CCDC30: variants seen among roughly 807,000 people sequenced by gnomAD.
The protein encoded by CCDC30 is coiled-coil domain-containing protein 30.
In CCDC30, 70 loss-of-function variants were observed where a neutral mutation model predicts 100.2. That is an observed-to-expected ratio of 0.70 (90% CI 0.58 to 0.85). The LOEUF is 0.85. Ranked by LOEUF, CCDC30 falls within the 40% of genes least tolerant of loss-of-function variation. The probability of loss-of-function intolerance (pLI) is 0.00; values close to 1 mark genes in which losing one functional copy is unlikely to be tolerated. For missense variants in CCDC30, 652 were observed against 771.2 expected (o/e 0.85, Z 1.83); for synonymous variants, 233 against 269.5 (o/e 0.86, Z 1.33).
intron 10 of CCDC30, chr1:42,593,841 A>C (rs1646234239): frequency 6.6e-6 from 1 of 152,174 alleles, no homozygotes; most frequent in Non-Finnish European, 1.5e-5. Flanking sequence ...ATTGTGTGCA[A>C]GTTCCTCTCA....
In CCDC30 at chr1:42,581,457, A is replaced by G. The variant is rs775810460; in HGVS notation, c.944A>G (p.Glu315Gly). The change falls in exon 9 of 17, where the codon GAA (glutamate) becomes GGA (glycine). Residue 315 changes from glutamate (E) to glycine (G), a missense_variant. Coordinates refer to ENST00000668663, the Ensembl canonical transcript of CCDC30. Reference sequence around the variant, plus strand: ...CAGCAGCTAGAGGAAAAGATAAAAGAAGCAACACAAAATGAAGCTAAAGTA... The same window carrying G: ...CAGCAGCTAGAGGAAAAGATAAAAGGAGCAACACAAAATGAAGCTAAAGTA... The G allele has an allele frequency of 3.1e-6, 5 of 1,613,822 alleles. No individual in the cohort carries two copies. The highest frequency in any genetic ancestry group is 2.2e-5 in the East Asian group (1 of 44,876).
chr1:42,551,938 A>T (rs1645260855), intron 6 of CCDC30, among the ~76,000 whole-genome samples: 1 of 151,682 alleles, frequency 6.6e-6, no homozygotes, highest in Admixed American at 6.6e-5. Flanking sequence ...AATTTTTAAA[A>T]TTTTTTTGTA....
chr1:42,655,874 T>TC (rs1648642478), downstream of CCDC30, among the ~76,000 whole-genome samples: 1 of 145,002 alleles, frequency 6.9e-6, no homozygotes, highest in African/African-American at 2.6e-5. Flanking sequence ...TTACTTTTTT[T>TC]TTTTTTTTTT....
chr1:42,501,682 C>G (rs977240694), intron 6 of CCDC30, among the ~76,000 whole-genome samples: 41 of 152,040 alleles, frequency 2.7e-4, no homozygotes, highest in African/African-American at 9.9e-4. Context: ...CAGTCAGGAC[C>G]CTCAGCTGCA....
At chr1:42,457,722 G>T in the CCDC30 span, among the ~76,000 whole-genome samples, 1 of 152,150 alleles carries the variant, frequency 6.6e-6, no homozygotes, top group African/African-American at 2.4e-5. Context: ...GGAGGCCAAG[G>T]AGGGCAGATC....
chr1:42,567,906 T>C (rs181946630), intron 7 of CCDC30, among the ~76,000 whole-genome samples: 37 of 152,314 alleles, frequency 2.4e-4, no homozygotes, highest in African/African-American at 8.9e-4. Flanking sequence ...AGAAGATTTT[T>C]ATTTTTCACT....
chr1:42,589,476 A>T lies in CCDC30; in HGVS notation c.1157A>T (p.Tyr386Phe). The stretch of plus-strand genomic sequence containing the variant: ...CAACTGGAAAATGAAAAAAGAAAAT[A>T]TGATGAGGTAAGAAAGTAAATAGAC... The change falls in exon 10 of 17, where the codon TAT (tyrosine) becomes TTT (phenylalanine). Residue 386 changes from tyrosine to phenylalanine, a missense_variant. By Grantham distance (22) the Tyr-to-Phe change is conservative. Transcript: ENST00000668663. 1.2e-6 allele frequency: 2 copies of T among 1,612,702 alleles called. 1 individual carries two copies. Among genetic ancestry groups the T allele is most frequent in the Non-Finnish European group, 1.7e-6 (2 of 1,179,092 alleles).
chr1:42,575,735 TA>T lies in CCDC30; in HGVS notation c.637-1282del, dbSNP rs900731514. Among the ~76,000 whole-genome samples the T allele has an allele frequency of 7.9e-5, 12 of 151,884 alleles. 1 individual carries two copies. The highest frequency in any genetic ancestry group is 2.9e-4 in the African/African-American group (12 of 41,436). On this transcript the variant is annotated intron_variant, in intron 7 of 16. Transcript: ENST00000668663. Reference sequence around the variant, plus strand: ...GGGAAAGGGGATATAAACAGGTATATAAATGCATACTTAATTATAAATCATG... The same window carrying T: ...GGGAAAGGGGATATAAACAGGTATATAATGCATACTTAATTATAAATCATG...
intron 9 of CCDC30, 29 bp downstream of exon 13, chr1:42,581,543 GTGGGT>G (rs1338953324): frequency 1.3e-6 from 2 of 1,597,188 alleles, no homozygotes; most frequent in Non-Finnish European, 1.7e-6. Flanking sequence ...TCAGTTTCCT[GTGGGT>G]TTAGCCATGA....
At chr1:42,655,867 C>CTTTTTTT (rs766715541), downstream of CCDC30, among the ~76,000 whole-genome samples, 18 of 87,298 alleles carry the variant, frequency 2.1e-4, no homozygotes, top group East Asian at 3.5e-4. Flanking sequence ...GCTGTTTTTA[C>CTTTTTTT]TTTTTTTTTT....
chr1:42,580,203 A>C (rs921309093), intron 8 of CCDC30, among the ~76,000 whole-genome samples: 7 of 152,202 alleles, frequency 4.6e-5, no homozygotes, highest in African/African-American at 1.4e-4. Flanking sequence ...AATTCTCCCT[A>C]GACAGAACTA....
At chr1:42,563,037 A>T (rs974203425) in intron 6 of CCDC30, among the ~76,000 whole-genome samples, 4 of 152,222 alleles carry the variant, frequency 2.6e-5, no homozygotes, top group African/African-American at 9.6e-5. Context: ...ATTGTGGAAG[A>T]CAGCATGGTG....
chr1:42,533,104 A>G (rs1489688398), intron 6 of CCDC30, among the ~76,000 whole-genome samples: 2 of 152,098 alleles, frequency 1.3e-5, no homozygotes, highest in African/African-American at 2.4e-5. Context: ...CCCTTTCCCC[A>G]CTGGGTGGGG....
At chr1:42,543,118 C>T (rs987319346) in intron 6 of CCDC30, among the ~76,000 whole-genome samples, 5 of 151,942 alleles carry the variant, frequency 3.3e-5, no homozygotes, top group Admixed American at 6.6e-5. Flanking sequence ...GGACTACAGG[C>T]ACCTGCCACC....
chr1:42,462,257 G>A, upstream of CCDC30, among the ~76,000 whole-genome samples: 1 of 152,046 alleles, frequency 6.6e-6, no homozygotes, highest in Non-Finnish European at 1.5e-5. Flanking sequence ...AATAGCAAAT[G>A]GAAGTGTATA....
In CCDC30 at chr1:42,646,349, C is replaced by A; in HGVS notation, c.1854+32C>A. ...GAATCCAACTTCCACATCCACAATA[C>A]CCTTCCCCACATTCTGCCAGGCACC... On this transcript the variant is annotated intron_variant, in intron 15 of 16. Transcript: ENST00000668663. The A allele has an allele frequency of 2.1e-6, 3 of 1,434,702 alleles. No individual in the cohort carries two copies. The African/African-American group carries it at 4.3e-5, about 21-fold the overall frequency. 88.9% of individuals were successfully genotyped at this position (1,434,702 alleles called of 1,614,324 possible). A position where few individuals can be genotyped will look rare whatever the true frequency, so the allele number is the denominator to read the frequency against.
intron 1 of CCDC30, among the ~76,000 whole-genome samples, chr1:42,469,598 G>T (rs1051187636): frequency 1.3e-5 from 2 of 152,146 alleles, no homozygotes; most frequent in East Asian, 3.8e-4. Context: ...GGAACATACA[G>T]AAAAGAAAAT....
intron 6 of CCDC30, among the ~76,000 whole-genome samples, chr1:42,519,079 A>G (rs1644597034): frequency 6.6e-6 from 1 of 152,224 alleles, no homozygotes. Flanking sequence ...CTGATGTATT[A>G]CATTGATTTA....
At chr1:42,613,224 G>C (rs1305317444) in intron 11 of CCDC30, among the ~76,000 whole-genome samples, 1 of 149,966 alleles carries the variant, frequency 6.7e-6, no homozygotes, top group Non-Finnish European at 1.5e-5. Context: ...GTAAATATGG[G>C]GTGGATTATT....
Sources: gnomAD v4.1 joint callset for allele counts (sites outside exome capture counted in the v4.1 genomes callset) on GRCh38, gnomAD v4.1.1 for gene constraint, MANE v1.5 for transcripts, NCBI Gene and HGNC (gene_info 2026-07-23, HGNC 2026-07-21) for gene names.